Variants in PALM2AKAP2 observed in about 807,000 individuals in gnomAD.
The protein encoded by PALM2AKAP2 is PALM2 and AKAP2 fusion.
Under a neutral mutation model 71.5 loss-of-function variants are expected in PALM2AKAP2, and 37 were observed. That is an observed-to-expected ratio of 0.52 (90% confidence interval 0.40 to 0.68). PALM2AKAP2 has a LOEUF of 0.68. Among genes scored for constraint, PALM2AKAP2 ranks in the 30% least tolerant of loss-of-function variants. PALM2AKAP2 has a pLI of 0.00. For synonymous variants in PALM2AKAP2, 468 were observed against 478.8 expected, an observed-to-expected ratio of 0.98 and a Z score of 0.29; for missense variants, 1,224 against 1,191.8, an observed-to-expected ratio of 1.03 and a Z score of -0.40.
At chr9:109,878,313 G>C (rs761425475) in intron 2 of PALM2AKAP2, among the ~76,000 whole-genome samples, 1 of 152,304 alleles carries the variant, frequency 6.6e-6, no homozygotes. Context: ...CATGTCACCA[G>C]TGATGCATAG....
chr9:110,155,006 G>A (rs75302038), intron 2 of PALM2AKAP2, among the ~76,000 whole-genome samples: 38 of 152,306 alleles, frequency 2.5e-4, no homozygotes, highest in African/African-American at 8.9e-4. Context: ...AGTCAGTCAC[G>A]TAGCCAAGTA....
At chr9:109,834,901 A>T (rs755857427) in intron 1 of PALM2AKAP2, among the ~76,000 whole-genome samples, 13 of 152,126 alleles carry the variant, frequency 8.5e-5, no homozygotes, top group Non-Finnish European at 1.3e-4. Flanking sequence ...CGCTCAATTC[A>T]TCCCTTTAAT....
chr9:109,961,676 C>T (rs746315073), intron 6 of PALM2AKAP2, among the ~76,000 whole-genome samples: 5 of 152,182 alleles, frequency 3.3e-5, no homozygotes, highest in Admixed American at 6.5e-5. Flanking sequence ...CATCTGCAAC[C>T]AGCCTTTCCT....
chr9:110,171,978 C>T (rs1314922567), exon 4 of PALM2AKAP2: 2 of 152,584 alleles, frequency 1.3e-5, no homozygotes, highest in South Asian at 2.1e-4. Flanking sequence ...CCTCTTCATA[C>T]CCATGCATGC....
chr9:109,892,461 G>T lies in PALM2AKAP2; in HGVS notation c.257+11780G>T, dbSNP rs114763663. Among the ~76,000 whole-genome samples the T allele has an allele frequency of 6.4e-3, 976 of 152,282 alleles. 10 individuals carry two copies. Among genetic ancestry groups the T allele is most frequent in the African/African-American group, 0.022 (920 of 41,548 alleles). On this transcript the variant is annotated intron_variant, in intron 3 of 9. Transcript: ENST00000302798. ...AAGGTCATATTCATAGGTTCTGGGGGTTAGGGTGTGGACATATCTTTCTAG... is the reference window on the plus strand; with the variant it reads ...AAGGTCATATTCATAGGTTCTGGGGTTTAGGGTGTGGACATATCTTTCTAG...
At chr9:109,979,712 A>G (rs184114763) in intron 6 of PALM2AKAP2, among the ~76,000 whole-genome samples, 355 of 152,316 alleles carry the variant, frequency 2.3e-3, no homozygotes, top group African/African-American at 8.3e-3. Context: ...CCATTCCCTT[A>G]AAAGTAAGGG....
At chr9:109,995,874 C>T (rs1296131848) in intron 6 of PALM2AKAP2, among the ~76,000 whole-genome samples, 1 of 152,158 alleles carries the variant, frequency 6.6e-6, no homozygotes, top group African/African-American at 2.4e-5. Context: ...ACCTTGGAGG[C>T]CTGAACTGGT....
At chr9:109,881,615 C>T (rs1829853126) in intron 3 of PALM2AKAP2, among the ~76,000 whole-genome samples, 1 of 152,150 alleles carries the variant, frequency 6.6e-6, no homozygotes, top group African/African-American at 2.4e-5. Flanking sequence ...AGGATCTGAT[C>T]ACTTCAATCT....
chr9:110,147,999 A>G (rs920241171), intron 2 of PALM2AKAP2, among the ~76,000 whole-genome samples: 1 of 152,198 alleles, frequency 6.6e-6, no homozygotes, highest in Non-Finnish European at 1.5e-5. Context: ...ACTAAAGAGT[A>G]AAAAGTCCAT....
chr9:110,088,725 T>G (rs1834635733), intron 1 of PALM2AKAP2, among the ~76,000 whole-genome samples: 1 of 138,156 alleles, frequency 7.2e-6, no homozygotes, highest in African/African-American at 2.7e-5. Flanking sequence ...TTTTTTTTTT[T>G]TTTTTTTTTT....
chr9:109,790,366 C>T (rs1169725668), intron 1 of PALM2AKAP2, among the ~76,000 whole-genome samples: 1 of 152,084 alleles, frequency 6.6e-6, no homozygotes, highest in African/African-American at 2.4e-5. Context: ...AAATTATAAC[C>T]AGTCATCTAA....
chr9:109,801,214 A>G (rs563755415), intron 1 of PALM2AKAP2, among the ~76,000 whole-genome samples: 2 of 152,330 alleles, frequency 1.3e-5, no homozygotes, highest in Admixed American at 6.5e-5. Flanking sequence ...CCAGGGAGAA[A>G]GGAGTTCCTT....
intron 7 of PALM2AKAP2, among the ~76,000 whole-genome samples, chr9:110,036,888 C>T (rs1833420308): frequency 6.6e-6 from 1 of 152,132 alleles, no homozygotes; most frequent in African/African-American, 2.4e-5. Flanking sequence ...TTCTCCAGGT[C>T]TCTGCTCAAA....
chr9:110,037,796 T>C (rs1437629955), intron 7 of PALM2AKAP2, among the ~76,000 whole-genome samples: 1 of 152,206 alleles, frequency 6.6e-6, no homozygotes, highest in Non-Finnish European at 1.5e-5. Context: ...ATTAAGAATT[T>C]GCAATATACT....
chr9:109,764,861 A>G (rs1379670976), intron 1 of PALM2AKAP2, among the ~76,000 whole-genome samples: 2 of 152,188 alleles, frequency 1.3e-5, no homozygotes, highest in Non-Finnish European at 2.9e-5. Flanking sequence ...AATCATTTGG[A>G]ACTACAAGGT....
intron 1 of PALM2AKAP2, among the ~76,000 whole-genome samples, chr9:109,771,197 T>C (rs750902482): frequency 6.6e-5 from 10 of 152,198 alleles, no homozygotes; most frequent in Admixed American, 6.5e-5. Flanking sequence ...TTGCAAGTCA[T>C]GCTATGTTTG....
intron 1 of PALM2AKAP2, among the ~76,000 whole-genome samples, chr9:109,702,700 A>G (rs755713469): frequency 9.2e-5 from 14 of 151,964 alleles, no homozygotes; most frequent in Non-Finnish European, 1.8e-4. Context: ...ATATGTAACT[A>G]ACATGTACCT....
rs1475102361 is a variant in PALM2AKAP2 at position 109,699,114 on chromosome 9, T to A, written c.5+58248T>A. Among the ~76,000 whole-genome samples, 10 of 152,118 alleles carry A rather than the reference T, an allele frequency of 6.6e-5. No individual in the cohort carries two copies. The East Asian group carries it at 1.9e-3, about 29-fold the overall frequency. On this transcript the variant is annotated intron_variant, in intron 1 of 6. Coordinates refer to the PALM2AKAP2 transcript ENST00000374531. The stretch of plus-strand genomic sequence containing the variant: ...TGCTTAAAAATAACAGAACGACAAA[T>A]GGGCAAAAAGAAAAATGGGCAAAGA...
At chr9:109,753,832 T>C (rs1828920078) in intron 1 of PALM2AKAP2, among the ~76,000 whole-genome samples, 1 of 152,078 alleles carries the variant, frequency 6.6e-6, no homozygotes, top group Admixed American at 6.5e-5. Flanking sequence ...GCTCTTAACT[T>C]TTTAAAAATC....
Sources: gnomAD v4.1 joint callset for allele counts (sites outside exome capture counted in the v4.1 genomes callset) on GRCh38, gnomAD v4.1.1 for gene constraint, MANE v1.5 for transcripts, NCBI Gene and HGNC (gene_info 2026-07-23, HGNC 2026-07-21) for gene names.